The following NBEA variants were observed in gnomAD, a reference collection of about 807,000 sequenced individuals.
The protein encoded by NBEA is lysosomal-trafficking regulator 2.
Under a neutral mutation model 343.4 loss-of-function variants are expected in NBEA, and 44 were observed. The ratio of observed to expected loss-of-function variants is 0.13; its 90% CI spans 0.10 to 0.16. NBEA has a LOEUF of 0.16. NBEA is among the 10% of genes least tolerant of loss of function. The pLI is 1.00. For missense variants in NBEA, 2,555 were observed against 3,631.3 expected, an observed-to-expected ratio of 0.70 and a Z score of 7.62; for synonymous variants, 1,175 against 1,238.7, an observed-to-expected ratio of 0.95 and a Z score of 1.08.
chr13:35,255,652 T>G (rs74048961), intron 34 of NBEA, among the ~76,000 whole-genome samples: 6,453 of 152,258 alleles, frequency 0.042, 157 homozygotes, highest in South Asian at 0.078. Flanking sequence ...CCTGGAAGCT[T>G]GGAGACGCCA....
rs556613992 is a variant in NBEA at position 35,350,222 on chromosome 13, C to T, written c.6012+1006C>T. Among the ~76,000 whole-genome samples the T allele has an allele frequency of 1.1e-4, 16 of 152,152 alleles. No individual in the cohort carries two copies. In the South Asian group the frequency reaches 3.3e-3, roughly 32 times the overall value. ...CAGATCAATATTTGTCATGTGAAAA[C>T]ATTTAAAATAGATTTTCAAGTGGCT... On this transcript the variant is annotated intron_variant, in intron 37 of 58. Coordinates refer to ENST00000379939, the MANE Select transcript of NBEA (RefSeq NM_001385012.1).
intron 1 of NBEA, among the ~76,000 whole-genome samples, chr13:34,961,351 A>G (rs1180154320): frequency 6.6e-6 from 1 of 152,074 alleles, no homozygotes; most frequent in Admixed American, 6.6e-5. Flanking sequence ...TGTTTAACAT[A>G]CACTCATAAG....
chr13:35,311,883 A>G (rs917536193), intron 36 of NBEA, among the ~76,000 whole-genome samples: 8 of 152,156 alleles, frequency 5.3e-5, no homozygotes, highest in Non-Finnish European at 7.3e-5. Context: ...TCAACCTATA[A>G]TAATCTCTGA....
intron 36 of NBEA, among the ~76,000 whole-genome samples, chr13:35,310,759 A>G (rs1057113818): frequency 1.2e-4 from 18 of 152,184 alleles, no homozygotes; most frequent in African/African-American, 4.1e-4. Context: ...TGACCTATTC[A>G]TTTCATATTT....
intron 1 of NBEA, among the ~76,000 whole-genome samples, chr13:35,018,375 A>G (rs1242397619): frequency 6.6e-6 from 1 of 152,162 alleles, no homozygotes; most frequent in Non-Finnish European, 1.5e-5. Context: ...AAATGTCTGT[A>G]TCTACTTAGG....
intron 38 of NBEA, among the ~76,000 whole-genome samples, chr13:35,408,717 C>T (rs148066772): frequency 3.3e-5 from 5 of 152,226 alleles, no homozygotes; most frequent in African/African-American, 1.2e-4. Context: ...CAAAAGAAGA[C>T]ATATATGTAG....
In NBEA at chr13:35,628,071, C is replaced by A. The variant is rs1216983377; in HGVS notation, c.7450-10C>A. 6.2e-7 allele frequency: 1 copy of A among 1,602,448 alleles called. No homozygotes were observed. The highest frequency in any genetic ancestry group is 8.5e-7 in the Non-Finnish European group (1 of 1,174,192). On this transcript the variant is annotated splice_polypyrimidine_tract_variant and intron_variant, in intron 48 of 58. Transcript: ENST00000379939. ...TGATGGTCTCTCATTTCTTTCTTGA[C>A]TCATTTCAGGCCCTAGAAAGTGAAT... is the stretch of plus-strand genomic sequence containing the variant.
At chr13:35,635,162 T>G (rs1342674610) in intron 49 of NBEA, among the ~76,000 whole-genome samples, 1 of 152,214 alleles carries the variant, frequency 6.6e-6, no homozygotes, top group Non-Finnish European at 1.5e-5. Flanking sequence ...AATCATTGTC[T>G]TCCTTGAATT....
At chr13:35,194,713 C>T (rs1035198465) in intron 30 of NBEA, among the ~76,000 whole-genome samples, 3 of 151,934 alleles carry the variant, frequency 2.0e-5, no homozygotes, top group Non-Finnish European at 2.9e-5. Flanking sequence ...TCAAGGTTAT[C>T]GTTTAGAATT....
chr13:35,234,916 A>G (rs2152772909), intron 34 of NBEA, among the ~76,000 whole-genome samples: 1 of 152,342 alleles, frequency 6.6e-6, no homozygotes, highest in East Asian at 1.9e-4. Flanking sequence ...TATTAATGCA[A>G]ACATTTGAGG....
At chr13:35,403,343 C>T (rs866775371) in intron 38 of NBEA, among the ~76,000 whole-genome samples, 1 of 151,872 alleles carries the variant, frequency 6.6e-6, no homozygotes, top group Admixed American at 6.6e-5. Flanking sequence ...AGGTGAATAT[C>T]CCGATCTCTT....
intron 40 of NBEA, among the ~76,000 whole-genome samples, chr13:35,458,836 G>C (rs893509538): frequency 6.6e-6 from 1 of 151,984 alleles, no homozygotes; most frequent in Non-Finnish European, 1.5e-5. Flanking sequence ...AAAAAATTTA[G>C]CAAATAGAAA....
intron 49 of NBEA, among the ~76,000 whole-genome samples, chr13:35,642,265 A>G (rs774451668): frequency 3.3e-5 from 5 of 152,192 alleles, no homozygotes; most frequent in African/African-American, 4.8e-5. Context: ...TCATATCTCA[A>G]TACTCCAAAA....
intron 33 of NBEA, among the ~76,000 whole-genome samples, chr13:35,221,135 G>A (rs1483830966): frequency 6.6e-6 from 1 of 152,046 alleles, no homozygotes; most frequent in Non-Finnish European, 1.5e-5. Context: ...CACAAGGTCA[G>A]GAGTTCGAGA....
At chr13:35,662,137 C>A (rs2085122566) in intron 55 of NBEA, among the ~76,000 whole-genome samples, 1 of 152,176 alleles carries the variant, frequency 6.6e-6, no homozygotes, top group African/African-American at 2.4e-5. Flanking sequence ...TTTTATCATC[C>A]ATTTTGAGAA....
chr13:35,201,793 AG>A (rs1302797604), intron 31 of NBEA, among the ~76,000 whole-genome samples: 2 of 152,086 alleles, frequency 1.3e-5, no homozygotes, highest in African/African-American at 4.8e-5. Context: ...CTTGGCTAAA[AG>A]ATTTGAATCC....
At chr13:35,443,004 C>T (rs1374164196) in intron 39 of NBEA, among the ~76,000 whole-genome samples, 1 of 152,020 alleles carries the variant, frequency 6.6e-6, no homozygotes. Context: ...TTCCAGTGAG[C>T]AATAACTGTT....
chr13:35,158,179 C>CT (rs2069308328), intron 21 of NBEA, among the ~76,000 whole-genome samples: 1 of 152,024 alleles, frequency 6.6e-6, no homozygotes, highest in South Asian at 2.1e-4. Context: ...GACTTGCTTT[C>CT]TTCTTCTGTA....
intron 38 of NBEA, among the ~76,000 whole-genome samples, chr13:35,359,290 C>G (rs2040675163): frequency 6.6e-6 from 1 of 152,092 alleles, no homozygotes; most frequent in South Asian, 2.1e-4. Flanking sequence ...TCTTTTTTAA[C>G]ACTGCTTCCC....
Sources: gnomAD v4.1 joint callset for allele counts (sites outside exome capture counted in the v4.1 genomes callset) on GRCh38, gnomAD v4.1.1 for gene constraint, MANE v1.5 for transcripts, NCBI Gene and HGNC (gene_info 2026-07-23, HGNC 2026-07-21) for gene names.